The following KRTAP10-3 variants were observed in gnomAD, a reference collection of about 807,000 sequenced individuals.
KRTAP10-3 encodes keratin associated protein 10-3, also known as keratin-associated protein 10-3.
For missense variants in KRTAP10-3, 341 were observed against 293.4 expected (o/e 1.16, Z -1.19); for synonymous variants, 151 against 126.2 (o/e 1.20, Z -1.32).
Position 44,558,105 on chromosome 21 carries a change from G to A in KRTAP10-3, c.611C>T (p.Ser204Phe). Residue 204 changes from serine (S) to phenylalanine (F), a missense_variant, in exon 1 of 1, where the codon TCC (serine) becomes TTC (phenylalanine). Transcript: ENST00000391620. ...GCCGCAGCACGCGGAAGAGAGGCGG[G>A]AGCACGTGGGGCGGCAGAGGAGGGA... Reference protein sequence around the residue: ...CVSLLCRPTCSRLSSACCGLS... With the variant: ...CVSLLCRPTCFRLSSACCGLS... The A allele has an allele frequency of 6.2e-7, 1 of 1,611,404 alleles. No homozygotes were observed. The highest frequency in any genetic ancestry group is 8.5e-7 in the Non-Finnish European group (1 of 1,178,066).
In KRTAP10-3 at chr21:44,558,000, G is replaced by T; in HGVS notation, c.*50C>A. The T allele has an allele frequency of 6.4e-7, 1 of 1,563,836 alleles. No homozygotes were observed. Among genetic ancestry groups the T allele is most frequent in the Non-Finnish European group, 8.7e-7 (1 of 1,153,350 alleles). On this transcript the variant is annotated 3_prime_UTR_variant, in exon 1 of 1. Transcript: ENST00000391620. ...AGGGCTCAGGGCTGCAAGGATTTTCGGAAGTCAGAGATGGCCCTGGAACAA... is the reference window on the plus strand; with the variant it reads ...AGGGCTCAGGGCTGCAAGGATTTTCTGAAGTCAGAGATGGCCCTGGAACAA...
chr21:44,557,944 T>G lies in KRTAP10-3; in HGVS notation c.*106A>C. On this transcript the variant is annotated 3_prime_UTR_variant, in exon 1 of 1. Transcript: ENST00000391620. ...AAAGCTCAGCATTGCTGGCTGGAGG[T>G]GCAGTGGCTATGGGCAGAGGAGACT... The G allele has an allele frequency of 1.6e-6, 2 of 1,285,966 alleles. No individual in the cohort carries two copies. Among genetic ancestry groups the G allele is most frequent in the East Asian group, 2.5e-5 (1 of 40,790 alleles). The allele number at this position is 1,285,966 out of a possible 1,614,324, so 79.7% of individuals were successfully genotyped here.
At position 44,558,447 on chromosome 21, in the gene KRTAP10-3, C is replaced by T. The variant is rs1046746993; in HGVS notation, c.269G>A (p.Cys90Tyr). Residue 90 changes from cysteine to tyrosine, a missense_variant, in exon 1 of 1, where the codon TGC (cysteine) becomes TAC (tyrosine). By Grantham distance (194) the Cys-to-Tyr change is radical. Coordinates refer to ENST00000391620, the MANE Select transcript of KRTAP10-3 (RefSeq NM_198696.3). ...CQQSSCQPACCTSSPCQQACC... is the reference protein window; with the variant it reads ...CQQSSCQPACYTSSPCQQACC... ...GGCCTGCTGGCAGGGGGAGGATGTG[C>T]AGCAAGCTGGCTGGCAGCTAGACTG... 16 of 1,614,056 alleles carry T rather than the reference C, an allele frequency of 9.9e-6. No homozygotes were observed. The highest frequency in any genetic ancestry group is 1.4e-5 in the Non-Finnish European group (16 of 1,179,948).
chr21:44,558,564 C>T lies in KRTAP10-3; in HGVS notation c.152G>A (p.Ser51Asn), dbSNP rs200886678. ...PCLTLVCTPV[S>N]CVSSPCCQAA... ...CTGGCAGCAGGGGCTGGACACACAG[C>T]TCACTGGGGTGCAGACCAGGGTCAG... is the stretch of plus-strand genomic sequence containing the variant. The change falls in exon 1 of 1, where the codon AGC (serine) becomes AAC (asparagine). Residue 51 changes from serine (S) to asparagine (N), a missense_variant. Ser to Asn is a conservative substitution (Grantham distance 46). Transcript: ENST00000391620. 2.7e-5 allele frequency: 44 copies of T among 1,613,076 alleles called. No homozygotes were observed. The highest frequency in any genetic ancestry group is 3.7e-5 in the Non-Finnish European group (44 of 1,179,888).
At position 44,558,244 on chromosome 21, in the gene KRTAP10-3, C is replaced by T. The variant is rs369545090; in HGVS notation, c.472G>A (p.Val158Met). The change falls in exon 1 of 1, where the codon GTG (valine) becomes ATG (methionine). Residue 158 changes from valine to methionine, a missense_variant. Transcript: ENST00000391620. ...CACACGGGGCGGCAGAGGAGGGACA[C>T]GGAGGAGGAGGGTCTGCAGCAGGAG... ...TTSCCRPSSS[V>M]SLLCRPVCRS... 1.9e-5 allele frequency: 31 copies of T among 1,613,178 alleles called. No individual in the cohort carries two copies. The highest frequency in any genetic ancestry group is 3.3e-4 in the Middle Eastern group (2 of 6,064).
chr21:44,558,622 A>T lies in KRTAP10-3; in HGVS notation c.94T>A (p.Cys32Ser), dbSNP rs374099397. ...CPESCCEPPC[C>S]ATSCCAPAPC... ...GCCGGGGCGCAGCAGCTGGTGGCGC[A>T]GCAGGGGGGCTCACAGCAGCTCTCT... Residue 32 changes from cysteine to serine, a missense_variant, in exon 1 of 1, where the codon TGC (cysteine) becomes AGC (serine). Coordinates refer to ENST00000391620, the MANE Select transcript of KRTAP10-3 (RefSeq NM_198696.3). 88 of 1,607,004 alleles carry T rather than the reference A, an allele frequency of 5.5e-5. No homozygotes were observed. Among genetic ancestry groups the T allele is most frequent in the African/African-American group, 4.5e-4 (34 of 74,952 alleles).
chr21:44,558,602 G>A lies in KRTAP10-3; in HGVS notation c.114C>T (p.Ala38=). 1 of 1,611,808 alleles carries A rather than the reference G, an allele frequency of 6.2e-7. No homozygotes were observed. Among genetic ancestry groups the A allele is most frequent in the Non-Finnish European group, 8.5e-7 (1 of 1,179,012 alleles). Residue 38 remains alanine (A), a synonymous_variant, in exon 1 of 1, where the codon GCC becomes GCT. Transcript: ENST00000391620. ...AGACCAGGGTCAGGCAGGGGGCCGG[G>A]GCGCAGCAGCTGGTGGCGCAGCAGG... ...EPPCCATSCC[A]PAPCLTLVCT...
At position 44,557,889 on chromosome 21, in the gene KRTAP10-3, A is replaced by G; in HGVS notation, c.*161T>C. ...GCCAGCATGGAGATGAGGGTGTGGG[A>G]GAGATGCATGCCTGGAGGGAATCGG... On this transcript the variant is annotated 3_prime_UTR_variant, in exon 1 of 1. Coordinates refer to ENST00000391620, the MANE Select transcript of KRTAP10-3 (RefSeq NM_198696.3). 2.4e-6 allele frequency: 2 copies of G among 828,480 alleles called. No homozygotes were observed. The highest frequency in any genetic ancestry group is 1.9e-6 in the Non-Finnish European group (1 of 533,890). 51.3% of individuals were successfully genotyped at this position (828,480 alleles called of 1,614,324 possible).
Position 44,557,848 on chromosome 21 carries a change from C to G in KRTAP10-3, c.*202G>C, listed in dbSNP as rs2053558863. ...CTGATCACTCACATGGGGCAGGACA[C>G]AGTGACCACCGGCTGGCCAGCATGG... On this transcript the variant is annotated 3_prime_UTR_variant, in exon 1 of 1. Transcript: ENST00000391620. 4.6e-6 allele frequency: 3 copies of G among 653,258 alleles called. No homozygotes were observed. The South Asian group carries it at 5.9e-5, about 13-fold the overall frequency. The allele number at this position is 653,258 out of a possible 1,614,324, so 40.5% of individuals were successfully genotyped here.
Position 44,558,754 on chromosome 21 carries a change from TGAGTGAGTGTGG to T in KRTAP10-3, c.-51_-40del, listed in dbSNP as rs781960126. 9.9e-5 allele frequency: 155 copies of T among 1,568,190 alleles called. No individual in the cohort carries two copies. The East Asian group carries it at 2.2e-3, about 22-fold the overall frequency. ...GGAGGTGAGCTGGGGGAGACGTGAG[TGAGTGAGTGTGG>T]GAGTGAGTGAGGGAGTGAGTGAGTG... On this transcript the variant is annotated 5_prime_UTR_variant, in exon 1 of 1. Transcript: ENST00000391620.
In KRTAP10-3 at chr21:44,558,521, G is replaced by A. The variant is rs1555920391; in HGVS notation, c.195C>T (p.Ser65=). ...SPCCQAACEP[S]PCQSGCTSSC... ...AGCTGGTGCAGCCTGACTGGCAGGG[G>A]CTGGGCTCACAGGCCGCCTGGCAGC... The change falls in exon 1 of 1, where the codon AGC becomes AGT. Residue 65 remains serine (S), a synonymous_variant. Coordinates refer to ENST00000391620, the MANE Select transcript of KRTAP10-3 (RefSeq NM_198696.3). The A allele has an allele frequency of 6.2e-7, 1 of 1,613,640 alleles. No homozygotes were observed. The highest frequency in any genetic ancestry group is 1.1e-5 in the South Asian group (1 of 91,058).
chr21:44,558,659 C>T lies in KRTAP10-3; in HGVS notation c.57G>A (p.Val19=). The T allele has an allele frequency of 6.2e-7, 1 of 1,613,318 alleles. No individual in the cohort carries two copies. Among genetic ancestry groups the T allele is most frequent in the Non-Finnish European group, 8.5e-7 (1 of 1,179,882 alleles). The part of the protein sequence containing the change: ...CSSAYSDSWQ[V]DACPESCCEP... ...CACAGCAGCTCTCTGGGCAGGCGTC[C>T]ACCTGCCAGGAGTCAGAGTAAGCGC... The change falls in exon 1 of 1, where the codon GTG becomes GTA. Residue 19 remains valine, a synonymous_variant. Coordinates refer to ENST00000391620, the MANE Select transcript of KRTAP10-3 (RefSeq NM_198696.3).
In KRTAP10-3 at chr21:44,557,921, A is replaced by C. The variant is rs1454766141; in HGVS notation, c.*129T>G. On this transcript the variant is annotated 3_prime_UTR_variant, in exon 1 of 1. Transcript: ENST00000391620. Reference sequence around the variant, plus strand: ...CATGCCTGGAGGGAATCGGCATGAAAGCTCAGCATTGCTGGCTGGAGGTGC... The same window carrying C: ...CATGCCTGGAGGGAATCGGCATGAACGCTCAGCATTGCTGGCTGGAGGTGC... 4 of 1,116,932 alleles carry C rather than the reference A, an allele frequency of 3.6e-6. No homozygotes were observed. In the African/African-American group the frequency reaches 6.3e-5, roughly 18 times the overall value. 69.2% of individuals were successfully genotyped at this position (1,116,932 alleles called of 1,614,324 possible).
Position 44,558,479 on chromosome 21 carries a change from G to A in KRTAP10-3, c.237C>T (p.Cys79=), listed in dbSNP as rs1293262904. Residue 79 remains cysteine (C), a synonymous_variant, in exon 1 of 1, where the codon TGC becomes TGT. Coordinates refer to ENST00000391620, the MANE Select transcript of KRTAP10-3 (RefSeq NM_198696.3). The part of the protein sequence containing the change: ...SGCTSSCTPS[C]CQQSSCQPAC... The stretch of plus-strand genomic sequence containing the variant: ...CTGGCTGGCAGCTAGACTGCTGGCA[G>A]CACGAGGGCGTGCAGGAGCTGGTGC... The A allele has an allele frequency of 9.3e-6, 15 of 1,614,088 alleles. No individual in the cohort carries two copies. Among genetic ancestry groups the A allele is most frequent in the Middle Eastern group, 1.7e-4 (1 of 6,042 alleles).
chr21:44,558,735 G>C lies in KRTAP10-3; in HGVS notation c.-20C>G, dbSNP rs782666224. The C allele has an allele frequency of 3.2e-6, 5 of 1,577,714 alleles. No individual in the cohort carries two copies. In the Admixed American group the frequency reaches 8.7e-5, roughly 27 times the overall value. ...GGCCATGCTGGGGTGGGGAGGAGGT[G>C]AGCTGGGGGAGACGTGAGTGAGTGA... On this transcript the variant is annotated 5_prime_UTR_variant, in exon 1 of 1. Coordinates refer to ENST00000391620, the MANE Select transcript of KRTAP10-3 (RefSeq NM_198696.3).
chr21:44,558,677 G>A lies in KRTAP10-3; in HGVS notation c.39C>T (p.Tyr13=). 1.2e-6 allele frequency: 2 copies of A among 1,612,962 alleles called. No homozygotes were observed. Among genetic ancestry groups the A allele is most frequent in the Non-Finnish European group, 1.7e-6 (2 of 1,179,568 alleles). The part of the protein sequence containing the change: ...TSTMSVCSSA[Y]SDSWQVDACP... ...AGGCGTCCACCTGCCAGGAGTCAGA[G>A]TAAGCGCTGGAGCAGACGGACATGG... The change falls in exon 1 of 1, where the codon TAC becomes TAT. Residue 13 remains tyrosine, a synonymous_variant. Coordinates refer to ENST00000391620, the MANE Select transcript of KRTAP10-3 (RefSeq NM_198696.3).
chr21:44,558,487 G>A lies in KRTAP10-3; in HGVS notation c.229C>T (p.Pro77Ser), dbSNP rs367887303. The change falls in exon 1 of 1, where the codon CCC (proline) becomes TCC (serine). Residue 77 changes from proline to serine, a missense_variant. Pro to Ser is a moderately conservative substitution (Grantham distance 74). Transcript: ENST00000391620. ...CAGCTAGACTGCTGGCAGCACGAGG[G>A]CGTGCAGGAGCTGGTGCAGCCTGAC... The part of the protein sequence containing the change: ...CQSGCTSSCT[P>S]SCCQQSSCQP... 1.6e-5 allele frequency: 26 copies of A among 1,613,868 alleles called. No homozygotes were observed. The highest frequency in any genetic ancestry group is 1.3e-5 in the African/African-American group (1 of 74,914).
chr21:44,558,477 C>T lies in KRTAP10-3; in HGVS notation c.239G>A (p.Cys80Tyr). ...AGCTGGCTGGCAGCTAGACTGCTGGCAGCACGAGGGCGTGCAGGAGCTGGT... is the reference window on the plus strand; with the variant it reads ...AGCTGGCTGGCAGCTAGACTGCTGGTAGCACGAGGGCGTGCAGGAGCTGGT... Reference protein sequence around the residue: ...GCTSSCTPSCCQQSSCQPACC... With the variant: ...GCTSSCTPSCYQQSSCQPACC... The change falls in exon 1 of 1, where the codon TGC becomes TAC. Residue 80 changes from cysteine (C) to tyrosine (Y), a missense_variant. Coordinates refer to ENST00000391620, the MANE Select transcript of KRTAP10-3 (RefSeq NM_198696.3). 1 of 1,614,050 alleles carries T rather than the reference C, an allele frequency of 6.2e-7. No homozygotes were observed. The highest frequency in any genetic ancestry group is 8.5e-7 in the Non-Finnish European group (1 of 1,179,964).
chr21:44,558,716 G>A lies in KRTAP10-3; in HGVS notation c.-1C>T, dbSNP rs782476939. 8 of 1,590,876 alleles carry A rather than the reference G, an allele frequency of 5.0e-6. No individual in the cohort carries two copies. The East Asian group carries it at 1.3e-4, about 27-fold the overall frequency. ...AGACGGACATGGTAGACGTGGCCAT[G>A]CTGGGGTGGGGAGGAGGTGAGCTGG... On this transcript the variant is annotated 5_prime_UTR_variant, in exon 1 of 1. Transcript: ENST00000391620.
Sources: gnomAD v4.1 joint callset for allele counts on GRCh38, gnomAD v4.1.1 for gene constraint, MANE v1.5 for transcripts, NCBI Gene and HGNC (gene_info 2026-07-23, HGNC 2026-07-21) for gene names.